C13orf42: variants seen among roughly 807,000 people sequenced by gnomAD.
C13orf42 encodes the protein uncharacterized protein C13orf42.
At chr13:51,130,806 A>G (rs182197215) in intron 1 of C13orf42, among the ~76,000 whole-genome samples, 158 of 152,106 alleles carry the variant, frequency 1.0e-3, no homozygotes, top group Middle Eastern at 3.4e-3. Context: ...TACTAAAGAA[A>G]CAGTTCTATG....
At chr13:51,117,505 C>T (rs1385367675) in intron 1 of C13orf42, among the ~76,000 whole-genome samples, 2 of 152,180 alleles carry the variant, frequency 1.3e-5, no homozygotes, top group Non-Finnish European at 2.9e-5. Context: ...CTCATGAATG[C>T]TTATGCTTCC....
In C13orf42 at chr13:51,085,320, C is replaced by CT. The variant is rs1953109826; in HGVS notation, c.801dup (p.Asp268ArgfsTer38). The CT allele has an allele frequency of 1.8e-5, 7 of 398,400 alleles. No individual in the cohort carries two copies. In the South Asian group the frequency reaches 7.7e-4, roughly 44 times the overall value. The allele number at this position is 398,400 out of a possible 1,614,324, so 24.7% of individuals were successfully genotyped here. Reference sequence around the variant, plus strand: ...ATGCTATTTAGCCCAAGCACTTACTCTTTTTTGCAGGCTTTGGGCTTAAAT... The same window carrying CT: ...ATGCTATTTAGCCCAAGCACTTACTCTTTTTTTGCAGGCTTTGGGCTTAAAT... On this transcript the variant is annotated frameshift_variant and splice_region_variant, in exon 3 of 4. Transcript: ENST00000563710. LOFTEE classifies it high-confidence loss of function.
chr13:51,107,730 T>C (rs1007642675), intron 1 of C13orf42, among the ~76,000 whole-genome samples: 10 of 152,226 alleles, frequency 6.6e-5, no homozygotes, highest in African/African-American at 2.4e-4. Flanking sequence ...TATTCACTTT[T>C]ATGCTCTGGA....
intron 1 of C13orf42, among the ~76,000 whole-genome samples, chr13:51,105,994 A>G (rs1953351339): frequency 6.6e-6 from 1 of 152,144 alleles, no homozygotes; most frequent in South Asian, 2.1e-4. Flanking sequence ...AGGACATAAT[A>G]CCTACCCATC....
chr13:51,166,965 G>C (rs1953907012), intron 1 of C13orf42, among the ~76,000 whole-genome samples: 1 of 151,990 alleles, frequency 6.6e-6, no homozygotes, highest in African/African-American at 2.4e-5. Context: ...TATAGTCCCA[G>C]CTACTCAGGA....
chr13:51,135,556 A>C (rs753064560), intron 1 of C13orf42, among the ~76,000 whole-genome samples: 7 of 151,706 alleles, frequency 4.6e-5, no homozygotes, highest in Non-Finnish European at 8.8e-5. Context: ...AGTAGACTGT[A>C]GCAAGAAGAT....
intron 2 of C13orf42, among the ~76,000 whole-genome samples, chr13:51,086,475 A>AGT (rs992486028): frequency 2.0e-5 from 3 of 151,206 alleles, no homozygotes; most frequent in Middle Eastern, 3.2e-3. Flanking sequence ...TGTATGTGAG[A>AGT]GTGTGTGTGT....
chr13:51,108,496 T>A lies in C13orf42; in HGVS notation c.414+2300A>T, dbSNP rs553094009. Among the ~76,000 whole-genome samples, 4 of 152,284 alleles carry A rather than the reference T, an allele frequency of 2.6e-5. No individual in the cohort carries two copies. The South Asian group carries it at 8.3e-4, about 32-fold the overall frequency. ...CCAGCCATGAAGCCTGAACCCATCA[T>A]TTCACAGGCAGGCCCAGCATACAGC... On this transcript the variant is annotated intron_variant, in intron 1 of 3. Coordinates refer to ENST00000563710, the MANE Select transcript of C13orf42 (RefSeq NM_001351589.3).
intron 1 of C13orf42, among the ~76,000 whole-genome samples, chr13:51,161,191 C>T: frequency 7.9e-6 from 1 of 126,696 alleles, no homozygotes; most frequent in Non-Finnish European, 1.8e-5. Flanking sequence ...TTCACTAATT[C>T]ATATAACATT....
At chr13:51,095,748 GAT>G (rs1255944453) in intron 1 of C13orf42, among the ~76,000 whole-genome samples, 3 of 151,854 alleles carry the variant, frequency 2.0e-5, no homozygotes, top group Non-Finnish European at 4.4e-5. Context: ...TTATCCATCT[GAT>G]CTTGTGTGTT....
At chr13:51,105,230 C>A (rs1953339974) in intron 1 of C13orf42, among the ~76,000 whole-genome samples, 1 of 152,182 alleles carries the variant, frequency 6.6e-6, no homozygotes, top group Non-Finnish European at 1.5e-5. Context: ...CATAGTCTCT[C>A]ACTAAGATGC....
At chr13:51,121,538 CTT>C (rs374108603) in intron 1 of C13orf42, among the ~76,000 whole-genome samples, 13 of 137,756 alleles carry the variant, frequency 9.4e-5, no homozygotes, top group Non-Finnish European at 9.3e-5. Context: ...AAAAAATTTT[CTT>C]TTTTTTTTTT....
At chr13:51,145,845 T>C (rs1953730503) in intron 1 of C13orf42, among the ~76,000 whole-genome samples, 1 of 152,244 alleles carries the variant, frequency 6.6e-6, no homozygotes, top group South Asian at 2.1e-4. Flanking sequence ...CTAACATATA[T>C]TGATTGACGT....
chr13:51,136,878 T>C (rs1045425511), intron 1 of C13orf42, among the ~76,000 whole-genome samples: 4 of 152,200 alleles, frequency 2.6e-5, no homozygotes, highest in Admixed American at 2.6e-4. Context: ...ACCGGGAATA[T>C]AGCTGTGAGC....
intron 1 of C13orf42, among the ~76,000 whole-genome samples, chr13:51,163,799 G>A (rs1953884327): frequency 6.6e-6 from 1 of 152,162 alleles, no homozygotes; most frequent in Non-Finnish European, 1.5e-5. Context: ...ATTGCTGTCA[G>A]ATGTGTCTGC....
intron 1 of C13orf42, among the ~76,000 whole-genome samples, chr13:51,153,809 T>C (rs1249947204): frequency 6.6e-6 from 1 of 151,932 alleles, no homozygotes; most frequent in Non-Finnish European, 1.5e-5. Flanking sequence ...AAGTTTTGTA[T>C]GTTTAGTAGA....
chr13:51,117,857 C>T (rs1242401410), intron 1 of C13orf42, among the ~76,000 whole-genome samples: 1 of 152,180 alleles, frequency 6.6e-6, no homozygotes, highest in Non-Finnish European at 1.5e-5. Flanking sequence ...CACGTGAACA[C>T]TCAGGGACCC....
chr13:51,102,773 GATTA>G (rs1427310515), intron 1 of C13orf42, among the ~76,000 whole-genome samples: 6 of 152,206 alleles, frequency 3.9e-5, no homozygotes, highest in Non-Finnish European at 7.3e-5. Context: ...CAAGGAAAGA[GATTA>G]ATTGACTCAC....
intron 1 of C13orf42, among the ~76,000 whole-genome samples, chr13:51,135,652 C>CAA (rs34030293): frequency 7.1e-6 from 1 of 140,152 alleles, no homozygotes; most frequent in Non-Finnish European, 1.6e-5. Flanking sequence ...GACCCTGTCC[C>CAA]AAAAAAAAAA....
Sources: allele counts gnomAD v4.1 joint callset (sites outside exome capture counted in the v4.1 genomes callset), GRCh38; gene constraint gnomAD v4.1.1; transcripts MANE v1.5; gene names NCBI Gene and HGNC (gene_info 2026-07-23, HGNC 2026-07-21).